NCKAP5: variants seen among roughly 807,000 people sequenced by gnomAD.
NCKAP5 encodes nck-associated protein 5.
A neutral mutation model predicts 167.0 loss-of-function variants in NCKAP5; 92 were observed. The observed-to-expected ratio is 0.55, with a 90% CI of 0.47 to 0.66. NCKAP5 has a LOEUF of 0.66. Ranked by LOEUF, NCKAP5 falls within the 30% of genes least tolerant of loss-of-function variation. NCKAP5 has a pLI of 0.00. For missense variants in NCKAP5, 2,378 were observed against 2,315.0 expected, an observed-to-expected ratio of 1.03 and a Z score of -0.56; for synonymous variants, 891 against 877.4, an observed-to-expected ratio of 1.02 and a Z score of -0.27.
At chr2:132,879,051 C>G in intron 8 of NCKAP5, 135 bp from the exon 9 acceptor site, 1 of 690,304 alleles carries the variant, frequency 1.4e-6, no homozygotes, top group Non-Finnish European at 2.6e-6. Flanking sequence ...GACAAGTTCA[C>G]TCTAAGTACT....
intron 3 of NCKAP5, among the ~76,000 whole-genome samples, chr2:133,482,305 C>A (rs1342888786): frequency 6.6e-6 from 1 of 150,492 alleles, no homozygotes; most frequent in African/African-American, 2.5e-5. Flanking sequence ...GCAACCTCCA[C>A]CTCTTGGGAT....
At chr2:132,909,569 T>A (rs1037918950) in intron 8 of NCKAP5, among the ~76,000 whole-genome samples, 1 of 152,174 alleles carries the variant, frequency 6.6e-6, no homozygotes. Context: ...TGAGATAATA[T>A]CCAGTACTTG....
rs1481621212 is a variant in NCKAP5, at chr2:133,173,463, T to C, written c.207+40253A>G. On this transcript the variant is annotated intron_variant, in intron 5 of 19. Transcript: ENST00000409261. ...TGGCAAGAATCCTGCTAAGTCAGTT[T>C]AGACAGAATTCCCCAGCCTCCAAAT... 2.0e-5 allele frequency among the ~76,000 whole-genome samples: 3 copies of C among 152,300 alleles called. No homozygotes were observed. The East Asian group carries it at 5.8e-4, about 29-fold the overall frequency.
chr2:132,998,060 C>T (rs2077660208), intron 6 of NCKAP5, among the ~76,000 whole-genome samples: 1 of 152,168 alleles, frequency 6.6e-6, no homozygotes, highest in African/African-American at 2.4e-5. Flanking sequence ...TTCTTCCCAC[C>T]TTAGCACAGA....
At chr2:133,058,762 T>A (rs2079888829) in intron 6 of NCKAP5, among the ~76,000 whole-genome samples, 1 of 152,208 alleles carries the variant, frequency 6.6e-6, no homozygotes, top group Admixed American at 6.5e-5. Flanking sequence ...AGCAGCAGAT[T>A]TTGAGAGGAC....
chr2:133,261,944 A>G (rs1353643923), intron 4 of NCKAP5, among the ~76,000 whole-genome samples: 2 of 152,120 alleles, frequency 1.3e-5, no homozygotes, highest in Non-Finnish European at 2.9e-5. Flanking sequence ...CCTATTAATG[A>G]TTGTTCTCTG....
intron 3 of NCKAP5, among the ~76,000 whole-genome samples, chr2:133,424,098 A>G (rs375548143): frequency 6.6e-5 from 10 of 152,224 alleles, no homozygotes; most frequent in Non-Finnish European, 2.9e-5. Context: ...TCCCATAATT[A>G]GGGTCTAAAC....
chr2:132,809,378 T>C (rs6708285), intron 11 of NCKAP5, among the ~76,000 whole-genome samples: 93,661 of 151,958 alleles, frequency 0.62, 30,595 homozygotes, highest in East Asian at 0.89. Flanking sequence ...TTGAAGTCCC[T>C]CACTATTATT....
At chr2:133,551,238 A>T (rs1258097377) in intron 2 of NCKAP5, among the ~76,000 whole-genome samples, 1 of 151,616 alleles carries the variant, frequency 6.6e-6, no homozygotes, top group Non-Finnish European at 1.5e-5. Flanking sequence ...AATTGGAAAA[A>T]ACTACTTTAA....
intron 3 of NCKAP5, among the ~76,000 whole-genome samples, chr2:133,338,250 T>A (rs1215613257): frequency 6.6e-6 from 1 of 152,344 alleles, no homozygotes; most frequent in East Asian, 1.9e-4. Context: ...TATAGAGTAA[T>A]AGCAACATGC....
At chr2:133,376,926 A>T (rs1686184255) in intron 3 of NCKAP5, among the ~76,000 whole-genome samples, 1 of 152,216 alleles carries the variant, frequency 6.6e-6, no homozygotes. Context: ...GAGTACATAT[A>T]ACCTTACAGC....
chr2:133,128,610 GT>G (rs2082481459), intron 6 of NCKAP5, among the ~76,000 whole-genome samples: 1 of 141,806 alleles, frequency 7.1e-6, no homozygotes, highest in Admixed American at 6.9e-5. Context: ...TTTTTTTTTT[GT>G]TTTTGTAATG....
upstream of NCKAP5, among the ~76,000 whole-genome samples, chr2:133,572,674 C>T (rs1688910349): frequency 6.6e-6 from 1 of 152,172 alleles, no homozygotes; most frequent in Non-Finnish European, 1.5e-5. Context: ...GCTTAAGAGA[C>T]AGCCTGAGGC....
At chr2:133,595,457 C>T in the NCKAP5 span, among the ~76,000 whole-genome samples, 1 of 151,742 alleles carries the variant, frequency 6.6e-6, no homozygotes, top group African/African-American at 2.4e-5. Context: ...TCCTCTCTTC[C>T]TCCTCCTCTT....
chr2:132,878,533 TG>T (rs955434857), intron 9 of NCKAP5, among the ~76,000 whole-genome samples: 1 of 151,890 alleles, frequency 6.6e-6, no homozygotes, highest in African/African-American at 2.4e-5. Flanking sequence ...TGCAGTAAAC[TG>T]TGGCCCAAGA....
chr2:133,224,543 T>C (rs763135984), intron 4 of NCKAP5, among the ~76,000 whole-genome samples: 2 of 152,212 alleles, frequency 1.3e-5, no homozygotes, highest in Non-Finnish European at 2.9e-5. Context: ...GTAGTAAATA[T>C]CCAGTGAAGA....
At chr2:133,498,908 A>G (rs1405762351) in intron 3 of NCKAP5, among the ~76,000 whole-genome samples, 1 of 152,208 alleles carries the variant, frequency 6.6e-6, no homozygotes, top group African/African-American at 2.4e-5. Flanking sequence ...CACAGATACA[A>G]TTGTTTTATG....
intron 4 of NCKAP5, among the ~76,000 whole-genome samples, chr2:133,252,183 C>T (rs1268077202): frequency 6.6e-6 from 1 of 152,102 alleles, no homozygotes; most frequent in Non-Finnish European, 1.5e-5. Flanking sequence ...ATTAAACAAA[C>T]AAGAGAACAG....
At chr2:132,682,457 G>C (rs1685357381) in intron 19 of NCKAP5, among the ~76,000 whole-genome samples, 1 of 152,186 alleles carries the variant, frequency 6.6e-6, no homozygotes, top group African/African-American at 2.4e-5. Flanking sequence ...GTACCAGAAA[G>C]TATTCTAGAT....
Sources: gnomAD v4.1 joint callset for allele counts (sites outside exome capture counted in the v4.1 genomes callset) on GRCh38, gnomAD v4.1.1 for gene constraint, MANE v1.5 for transcripts, NCBI Gene and HGNC (gene_info 2026-07-23, HGNC 2026-07-21) for gene names.